Variants in DACH1 observed in about 807,000 individuals in gnomAD.
DACH1 encodes the protein dachshund homolog 1.
In DACH1, 12 loss-of-function variants were observed where a neutral mutation model predicts 54.2. The ratio of observed to expected loss-of-function variants is 0.22; its 90% CI spans 0.14 to 0.36. The LOEUF is 0.36. Ranked by LOEUF, DACH1 falls within the 10% of genes least tolerant of loss-of-function variation. DACH1 has a pLI of 1.00. For synonymous variants in DACH1, 386 were observed against 366.2 expected (o/e 1.05, Z -0.62); for missense variants, 805 against 929.8 (o/e 0.87, Z 1.75).
At chr13:71,633,290 A>G (rs1345893912) in intron 2 of DACH1, among the ~76,000 whole-genome samples, 2 of 152,176 alleles carry the variant, frequency 1.3e-5, no homozygotes, top group African/African-American at 4.8e-5. Flanking sequence ...AAGGATAAAT[A>G]AAATAAACTA....
intron 6 of DACH1, among the ~76,000 whole-genome samples, chr13:71,489,515 G>A (rs934629639): frequency 6.6e-6 from 1 of 152,054 alleles, no homozygotes; most frequent in Admixed American, 6.6e-5. Flanking sequence ...TGACAATAGA[G>A]TATTTCTAGA....
Position 71,612,154 on chromosome 13 carries a change from A to G in DACH1, c.1126+18402T>C, listed in dbSNP as rs143405695. 4.7e-3 allele frequency among the ~76,000 whole-genome samples: 713 copies of G among 152,252 alleles called. 5 individuals carry two copies. The highest frequency in any genetic ancestry group is 0.016 in the African/African-American group (676 of 41,554). The stretch of plus-strand genomic sequence containing the variant: ...CCAAATTTTATTTTACATTCTCCAT[A>G]GTGTTATGAGTTATGGCCACAGAAA... On this transcript the variant is annotated intron_variant, in intron 3 of 10. Coordinates refer to ENST00000613252, the MANE Select transcript of DACH1 (RefSeq NM_080759.6).
intron 1 of DACH1, among the ~76,000 whole-genome samples, chr13:71,791,222 G>C (rs966452739): frequency 6.6e-6 from 1 of 152,154 alleles, no homozygotes; most frequent in African/African-American, 2.4e-5. Flanking sequence ...TGTGCAACCA[G>C]CTGTGCTAAT....
chr13:71,840,088 A>T (rs886444551), intron 1 of DACH1, among the ~76,000 whole-genome samples: 1 of 152,122 alleles, frequency 6.6e-6, no homozygotes, highest in Non-Finnish European at 1.5e-5. Context: ...CTGGAATTAC[A>T]GGTGCGCACC....
intron 1 of DACH1, among the ~76,000 whole-genome samples, chr13:71,695,698 T>C (rs1050349581): frequency 4.6e-5 from 7 of 152,216 alleles, no homozygotes; most frequent in African/African-American, 1.7e-4. Context: ...AAATTCACTA[T>C]GTTTCTTATG....
chr13:71,596,538 C>CA (rs1874109482), intron 3 of DACH1, among the ~76,000 whole-genome samples: 1 of 152,118 alleles, frequency 6.6e-6, no homozygotes, highest in Non-Finnish European at 1.5e-5. Context: ...TTACAGAAAG[C>CA]ATATAAACAA....
At chr13:71,849,618 C>T (rs1873529909) in intron 1 of DACH1, among the ~76,000 whole-genome samples, 1 of 152,126 alleles carries the variant, frequency 6.6e-6, no homozygotes, top group Admixed American at 6.5e-5. Context: ...GAAGTTGAAC[C>T]TGCTGGCCTG....
chr13:71,818,088 C>T (rs1028135486), intron 1 of DACH1, among the ~76,000 whole-genome samples: 1 of 152,106 alleles, frequency 6.6e-6, no homozygotes, highest in African/African-American at 2.4e-5. Context: ...GCTGGGATTA[C>T]AGGTGTGAGC....
intron 6 of DACH1, among the ~76,000 whole-genome samples, chr13:71,544,737 T>A (rs1258371701): frequency 6.6e-6 from 1 of 152,090 alleles, no homozygotes; most frequent in East Asian, 1.9e-4. Context: ...GATCCAGTTG[T>A]AAATAATATA....
chr13:71,629,203 C>T (rs1420531384), intron 3 of DACH1, among the ~76,000 whole-genome samples: 1 of 151,964 alleles, frequency 6.6e-6, no homozygotes, highest in African/African-American at 2.4e-5. Context: ...AAACCATGAC[C>T]GAAACAATCC....
rs1416899567 is a variant in DACH1 at position 71,701,217 on chromosome 13, G to A, written c.849-19307C>T. 2.0e-5 allele frequency among the ~76,000 whole-genome samples: 3 copies of A among 152,042 alleles called. No individual in the cohort carries two copies. In the East Asian group the frequency reaches 5.8e-4, roughly 29 times the overall value. The stretch of plus-strand genomic sequence containing the variant: ...TTTTTTAATAAATGTTCATATATAT[G>A]TACTAAGCTATTTGAAGTCAATAAA... On this transcript the variant is annotated intron_variant, in intron 1 of 10. Coordinates refer to ENST00000613252, the MANE Select transcript of DACH1 (RefSeq NM_080759.6).
At chr13:71,674,587 C>T (rs569816588) in intron 2 of DACH1, among the ~76,000 whole-genome samples, 16 of 152,160 alleles carry the variant, frequency 1.1e-4, no homozygotes, top group Non-Finnish European at 2.2e-4. Context: ...ACTGGATTCT[C>T]CCCTAGAGCC....
intron 1 of DACH1, among the ~76,000 whole-genome samples, chr13:71,776,490 A>G (rs1886070544): frequency 6.6e-6 from 1 of 152,118 alleles, no homozygotes; most frequent in African/African-American, 2.4e-5. Flanking sequence ...TTCTTAATAT[A>G]TTGATTAATA....
intron 3 of DACH1, among the ~76,000 whole-genome samples, chr13:71,607,885 A>G (rs1055433742): frequency 6.6e-6 from 1 of 152,040 alleles, no homozygotes; most frequent in African/African-American, 2.4e-5. Flanking sequence ...AAACAATGAG[A>G]AATTTTGAAA....
chr13:71,761,729 T>G (rs1885409700), intron 1 of DACH1, among the ~76,000 whole-genome samples: 1 of 152,166 alleles, frequency 6.6e-6, no homozygotes, highest in African/African-American at 2.4e-5. Context: ...ATGCTGATTC[T>G]GCCGGTCCTG....
intron 3 of DACH1, among the ~76,000 whole-genome samples, chr13:71,618,490 G>A (rs1217804212): frequency 2.0e-5 from 3 of 151,986 alleles, no homozygotes; most frequent in Admixed American, 6.6e-5. Context: ...TGTCAAGCTT[G>A]TATTACTTTT....
At chr13:71,738,048 G>A (rs894209157) in intron 1 of DACH1, among the ~76,000 whole-genome samples, 1 of 152,100 alleles carries the variant, frequency 6.6e-6, no homozygotes, top group Non-Finnish European at 1.5e-5. Context: ...GGAGAAAAAC[G>A]GACATATATT....
intron 1 of DACH1, among the ~76,000 whole-genome samples, chr13:71,735,661 T>TATACGTGTATATATATGGGAG (rs1884080238): frequency 6.6e-6 from 1 of 151,388 alleles, no homozygotes; most frequent in Admixed American, 6.6e-5. Context: ...ATATATGGGA[T>TATACGTGTATATATATGGGAG]TATATATATC....
intron 6 of DACH1, among the ~76,000 whole-genome samples, chr13:71,494,955 A>G (rs566542548): frequency 6.6e-6 from 1 of 152,226 alleles, no homozygotes; most frequent in South Asian, 2.1e-4. Flanking sequence ...TGTTGTTTAA[A>G]AAAATAATGG....
Sources: gnomAD v4.1 joint callset for allele counts (sites outside exome capture counted in the v4.1 genomes callset) on GRCh38, gnomAD v4.1.1 for gene constraint, MANE v1.5 for transcripts, NCBI Gene and HGNC (gene_info 2026-07-23, HGNC 2026-07-21) for gene names.